Variants in TUNAR observed in about 807,000 individuals in gnomAD.
TUNAR encodes the protein protein TUNAR.
intron 2 of TUNAR, among the ~76,000 whole-genome samples, chr14:95,879,085 A>G (rs2139649489): frequency 6.6e-6 from 1 of 152,280 alleles, no homozygotes; most frequent in African/African-American, 2.4e-5. Flanking sequence ...TGGGACAGGG[A>G]AGGTGGGCTG....
intron 2 of TUNAR, among the ~76,000 whole-genome samples, chr14:95,884,820 A>T (rs1339005277): frequency 6.6e-6 from 1 of 151,500 alleles, no homozygotes; most frequent in Non-Finnish European, 1.5e-5. Flanking sequence ...TGTATCTCCG[A>T]CTGCCGCTCT....
At chr14:95,915,103 G>C (rs1889579789) in intron 2 of TUNAR, among the ~76,000 whole-genome samples, 2 of 152,182 alleles carry the variant, frequency 1.3e-5, no homozygotes, top group South Asian at 4.1e-4. Context: ...ATGATAGGAA[G>C]TCTTCAAGAG....
At chr14:95,913,977 C>T (rs189979680) in intron 2 of TUNAR, among the ~76,000 whole-genome samples, 7 of 152,356 alleles carry the variant, frequency 4.6e-5, no homozygotes, top group African/African-American at 1.4e-4. Flanking sequence ...GTGATCTGCC[C>T]GCCTTGGCCT....
intron 2 of TUNAR, among the ~76,000 whole-genome samples, chr14:95,916,588 C>G (rs1013302257): frequency 6.6e-6 from 1 of 152,208 alleles, no homozygotes; most frequent in African/African-American, 2.4e-5. Flanking sequence ...TTTAAATGCT[C>G]TTATCCATGT....
At chr14:95,905,137 T>C (rs1286626543) in intron 2 of TUNAR, among the ~76,000 whole-genome samples, 1 of 152,210 alleles carries the variant, frequency 6.6e-6, no homozygotes, top group Non-Finnish European at 1.5e-5. Flanking sequence ...TTTTAAAATT[T>C]TGAACTAATG....
intron 2 of TUNAR, among the ~76,000 whole-genome samples, chr14:95,900,225 C>T (rs187743143): frequency 2.0e-5 from 3 of 152,230 alleles, no homozygotes; most frequent in African/African-American, 7.2e-5. Flanking sequence ...CCTCAAGGGC[C>T]CTGCAACTCA....
At chr14:95,921,169 C>G (rs1889691277) in intron 2 of TUNAR, among the ~76,000 whole-genome samples, 1 of 152,242 alleles carries the variant, frequency 6.6e-6, no homozygotes, top group African/African-American at 2.4e-5. Context: ...TTAGGACAGT[C>G]TGATTTCTTC....
At chr14:95,881,263 C>CA (rs1258233295) in intron 2 of TUNAR, among the ~76,000 whole-genome samples, 1 of 152,122 alleles carries the variant, frequency 6.6e-6, no homozygotes, top group African/African-American at 2.4e-5. Context: ...TGTCGATTTC[C>CA]AAAAAGATTC....
At chr14:95,891,904 A>G (rs1232865386) in intron 2 of TUNAR, among the ~76,000 whole-genome samples, 2 of 152,172 alleles carry the variant, frequency 1.3e-5, no homozygotes, top group African/African-American at 4.8e-5. Flanking sequence ...TCTTGCCTGT[A>G]GCTGCACCAC....
chr14:95,908,211 A>G (rs1473628529), intron 2 of TUNAR, among the ~76,000 whole-genome samples: 1 of 152,206 alleles, frequency 6.6e-6, no homozygotes, highest in Non-Finnish European at 1.5e-5. Context: ...AACAGCAGGG[A>G]GAAGTCAGAT....
intron 2 of TUNAR, among the ~76,000 whole-genome samples, chr14:95,880,475 AC>A (rs1379129776): frequency 6.6e-6 from 1 of 152,030 alleles, no homozygotes; most frequent in Non-Finnish European, 1.5e-5. Flanking sequence ...ATGAGCCATG[AC>A]CCTCTCTAGG....
Position 95,885,649 on chromosome 14 carries a change from G to A in TUNAR, c.12+8472G>A, listed in dbSNP as rs535878556. Reference sequence around the variant, plus strand: ...AGGCTGCAAGGCAGGGACAAGGCTGGGTCACTCCTGCTTAGATGGGAGTGG... The same window carrying A: ...AGGCTGCAAGGCAGGGACAAGGCTGAGTCACTCCTGCTTAGATGGGAGTGG... On this transcript the variant is annotated intron_variant, in intron 2 of 2. Coordinates refer to ENST00000678517, the Ensembl canonical transcript of TUNAR. Among the ~76,000 whole-genome samples the A allele has an allele frequency of 5.9e-5, 9 of 152,200 alleles. No homozygotes were observed. In the South Asian group the frequency reaches 1.7e-3, roughly 28 times the overall value.
intron 2 of TUNAR, among the ~76,000 whole-genome samples, chr14:95,890,633 G>A (rs1002665536): frequency 1.3e-5 from 2 of 152,168 alleles, no homozygotes; most frequent in African/African-American, 4.8e-5. Flanking sequence ...ACCAATTCTG[G>A]TTTAGGGTGG....
chr14:95,913,091 G>A (rs937414529), intron 2 of TUNAR, among the ~76,000 whole-genome samples: 3 of 141,960 alleles, frequency 2.1e-5, no homozygotes, highest in Non-Finnish European at 4.5e-5. Context: ...GCGCCTAGCC[G>A]GGCATCTTTT....
chr14:95,904,309 C>G (rs1008238821), intron 2 of TUNAR, among the ~76,000 whole-genome samples: 1 of 152,164 alleles, frequency 6.6e-6, no homozygotes, highest in African/African-American at 2.4e-5. Context: ...CTCTGGCAGA[C>G]AGACTGAACC....
At chr14:95,885,925 T>C in intron 2 of TUNAR, among the ~76,000 whole-genome samples, 1 of 152,130 alleles carries the variant, frequency 6.6e-6, no homozygotes, top group East Asian at 1.9e-4. Context: ...TGCTTGTCTG[T>C]ATCTGTTGTC....
At chr14:95,898,734 C>G (rs982652925) in intron 2 of TUNAR, among the ~76,000 whole-genome samples, 1 of 152,112 alleles carries the variant, frequency 6.6e-6, no homozygotes, top group Admixed American at 6.6e-5. Context: ...TTTATAGCTA[C>G]TAGTATACTG....
chr14:95,922,119 G>A (rs1889706895), intron 2 of TUNAR, among the ~76,000 whole-genome samples: 1 of 152,130 alleles, frequency 6.6e-6, no homozygotes, highest in Non-Finnish European at 1.5e-5. Context: ...GGTGCCCAGT[G>A]GTAGAATATG....
intron 2 of TUNAR, among the ~76,000 whole-genome samples, chr14:95,921,931 A>T (rs549302919): frequency 1.2e-4 from 18 of 151,590 alleles, no homozygotes; most frequent in Non-Finnish European, 2.5e-4. Context: ...TTTCACCATC[A>T]TATAATATTC....
Sources: gnomAD v4.1 joint callset for allele counts (sites outside exome capture counted in the v4.1 genomes callset) on GRCh38, gnomAD v4.1.1 for gene constraint, MANE v1.5 for transcripts, NCBI Gene and HGNC (gene_info 2026-07-23, HGNC 2026-07-21) for gene names.